The following AGBL4 variants were observed in gnomAD, a reference collection of about 807,000 sequenced individuals.
AGBL4 encodes the protein AGBL carboxypeptidase 4, also known as cytosolic carboxypeptidase 6.
Under a neutral mutation model 66.4 loss-of-function variants are expected in AGBL4, and 58 were observed. That is an observed-to-expected ratio of 0.87 (90% CI 0.71 to 1.09). The LOEUF (loss-of-function observed/expected upper bound fraction) is 1.09, where lower values mean the gene tolerates loss of function less well. Ranked by LOEUF, AGBL4 falls within the 50% of genes least tolerant of loss-of-function variation. AGBL4 has a pLI of 0.00. For missense variants in AGBL4, 579 were observed against 631.0 expected (o/e 0.92, Z 0.88); for synonymous variants, 234 against 222.9 (o/e 1.05, Z -0.44).
chr1:48,847,579 C>G (rs549610843), intron 6 of AGBL4, among the ~76,000 whole-genome samples: 2 of 152,204 alleles, frequency 1.3e-5, no homozygotes, highest in African/African-American at 4.8e-5. Flanking sequence ...GACAATAAAA[C>G]GTATAGTACC....
At chr1:49,089,413 G>A (rs1644963379) in intron 4 of AGBL4, among the ~76,000 whole-genome samples, 1 of 151,948 alleles carries the variant, frequency 6.6e-6, no homozygotes, top group South Asian at 2.1e-4. Flanking sequence ...AATGACAAAG[G>A]AAACATTACC....
chr1:48,872,501 G>C (rs1648775851), intron 5 of AGBL4, among the ~76,000 whole-genome samples: 1 of 152,056 alleles, frequency 6.6e-6, no homozygotes, highest in Non-Finnish European at 1.5e-5. Flanking sequence ...TTGTCACAAG[G>C]AGCCAGTTTG....
chr1:48,631,902 T>A (rs1645599682), intron 9 of AGBL4, among the ~76,000 whole-genome samples: 1 of 152,178 alleles, frequency 6.6e-6, no homozygotes, highest in South Asian at 2.1e-4. Flanking sequence ...TACCTAGAAG[T>A]CATACTTTGT....
intron 3 of AGBL4, among the ~76,000 whole-genome samples, chr1:49,285,136 CA>C (rs1310046399): frequency 1.3e-5 from 2 of 152,092 alleles, no homozygotes; most frequent in East Asian, 3.8e-4. Flanking sequence ...CTCTCCTCAG[CA>C]AATGTAAAAG....
At chr1:48,620,497 A>G (rs576454497) in intron 9 of AGBL4, among the ~76,000 whole-genome samples, 1 of 152,156 alleles carries the variant, frequency 6.6e-6, no homozygotes, top group East Asian at 1.9e-4. Context: ...TCCTGGCCTC[A>G]AGCAATCCTC....
intron 11 of AGBL4, among the ~76,000 whole-genome samples, chr1:48,565,243 G>T (rs537384225): frequency 6.6e-6 from 1 of 152,138 alleles, no homozygotes; most frequent in African/African-American, 2.4e-5. Flanking sequence ...CTGCAGCACT[G>T]GAGGGTTAAC....
intron 4 of AGBL4, among the ~76,000 whole-genome samples, chr1:49,129,341 T>G (rs1251532013): frequency 1.3e-5 from 2 of 152,006 alleles, no homozygotes; most frequent in African/African-American, 4.8e-5. Flanking sequence ...ACTTTAAGTT[T>G]TAGGGTACAT....
chr1:48,934,354 A>T (rs1655280143), intron 5 of AGBL4, among the ~76,000 whole-genome samples: 1 of 152,148 alleles, frequency 6.6e-6, no homozygotes, highest in Non-Finnish European at 1.5e-5. Flanking sequence ...CAGGGTGACC[A>T]CATGTCTCAG....
intron 1 of AGBL4, among the ~76,000 whole-genome samples, chr1:49,971,848 C>T (rs994548380): frequency 2.4e-5 from 3 of 127,218 alleles, no homozygotes; most frequent in African/African-American, 5.8e-5. Flanking sequence ...ATCTTACAAG[C>T]GTTTTTGAAA....
chr1:49,032,172 T>C (rs1664283536), intron 5 of AGBL4, among the ~76,000 whole-genome samples: 2 of 152,018 alleles, frequency 1.3e-5, no homozygotes, highest in South Asian at 4.1e-4. Flanking sequence ...GGGATAGAGA[T>C]AGGTTGAAGA....
At chr1:49,282,013 GA>G (rs1472901054) in intron 3 of AGBL4, among the ~76,000 whole-genome samples, 1 of 152,220 alleles carries the variant, frequency 6.6e-6, no homozygotes, top group African/African-American at 2.4e-5. Flanking sequence ...ATGGGCATCT[GA>G]AGTGGGAGGC....
At chr1:49,513,024 T>G (rs1417123721) in intron 3 of AGBL4, among the ~76,000 whole-genome samples, 1 of 152,018 alleles carries the variant, frequency 6.6e-6, no homozygotes, top group East Asian at 1.9e-4. Flanking sequence ...TATCCCCATG[T>G]TACAAATGGG....
chr1:49,257,505 C>A (rs1297396520), intron 3 of AGBL4: 1 of 152,716 alleles, frequency 6.5e-6, no homozygotes, highest in Non-Finnish European at 1.5e-5. Context: ...CCTGGTGCGC[C>A]GTTTCCTAAG....
At chr1:48,597,717 G>A (rs1357364217) in intron 9 of AGBL4, among the ~76,000 whole-genome samples, 12 of 130,766 alleles carry the variant, frequency 9.2e-5, no homozygotes, top group Non-Finnish European at 1.5e-4. Flanking sequence ...GGAGGAGAGA[G>A]GAGGGAAGGG....
intron 3 of AGBL4, among the ~76,000 whole-genome samples, chr1:49,395,828 TGTGTATATATATATATATATAC>T (rs1644957715): frequency 2.5e-5 from 2 of 78,688 alleles, no homozygotes; most frequent in Admixed American, 1.5e-4. Context: ...TATATATATA[TGTGTATATATATATATATATAC>T]ACACATAAAT....
At chr1:48,563,288 T>C (rs984419985) in intron 11 of AGBL4, among the ~76,000 whole-genome samples, 11 of 152,180 alleles carry the variant, frequency 7.2e-5, no homozygotes, top group African/African-American at 2.7e-4. Flanking sequence ...ATTTCAAAGG[T>C]TTCCTAGTTG....
chr1:49,203,870 A>AT (rs1297930755), intron 4 of AGBL4, among the ~76,000 whole-genome samples: 7 of 152,200 alleles, frequency 4.6e-5, no homozygotes, highest in African/African-American at 1.7e-4. Context: ...TTGTACAACA[A>AT]TATGCATGTA....
intron 3 of AGBL4, among the ~76,000 whole-genome samples, chr1:49,673,933 T>G (rs1646530511): frequency 6.6e-6 from 1 of 152,074 alleles, no homozygotes; most frequent in Admixed American, 6.6e-5. Flanking sequence ...TTGGAGGTTA[T>G]ATCTTGAAGC....
intron 2 of AGBL4, among the ~76,000 whole-genome samples, chr1:49,833,134 G>T (rs534739032): frequency 2.6e-5 from 4 of 152,204 alleles, no homozygotes; most frequent in South Asian, 2.1e-4. Context: ...TAGGTCTAAG[G>T]TTTAAGTCTT....
Sources: allele counts gnomAD v4.1 joint callset (sites outside exome capture counted in the v4.1 genomes callset), GRCh38; gene constraint gnomAD v4.1.1; transcripts MANE v1.5; gene names NCBI Gene and HGNC (gene_info 2026-07-23, HGNC 2026-07-21).